The following ANKRD6 variants were observed in gnomAD, a reference collection of about 807,000 sequenced individuals.
ANKRD6 encodes the protein ankyrin repeat domain-containing protein 6.
In ANKRD6, 56 loss-of-function variants were observed where a neutral mutation model predicts 82.3. That is an observed-to-expected ratio of 0.68 (90% CI 0.55 to 0.85). The LOEUF (loss-of-function observed/expected upper bound fraction) is 0.85, where lower values mean the gene tolerates loss of function less well. Ranked by LOEUF, ANKRD6 falls within the 40% of genes least tolerant of loss-of-function variation. ANKRD6 has a pLI of 0.00. For synonymous variants in ANKRD6, 347 were observed against 352.1 expected, an observed-to-expected ratio of 0.99 and a Z score of 0.16; for missense variants, 852 against 907.6, an observed-to-expected ratio of 0.94 and a Z score of 0.79.
At chr6:89,434,578 C>T (rs1000964925) in intron 1 of ANKRD6, among the ~76,000 whole-genome samples, 1 of 152,118 alleles carries the variant, frequency 6.6e-6, no homozygotes, top group Non-Finnish European at 1.5e-5. Flanking sequence ...CCCACCTCAG[C>T]CTGGGACCAC....
intron 5 of ANKRD6, among the ~76,000 whole-genome samples, chr6:89,608,310 G>C (rs1799296235): frequency 6.8e-6 from 1 of 147,558 alleles, no homozygotes; most frequent in African/African-American, 2.5e-5. Flanking sequence ...GTTCTAGGTG[G>C]CAGTAGCCTG....
chr6:89,444,964 A>G (rs551355870), intron 1 of ANKRD6, among the ~76,000 whole-genome samples: 1 of 152,140 alleles, frequency 6.6e-6, no homozygotes, highest in African/African-American at 2.4e-5. Context: ...GCGAAACTCC[A>G]TGTCAAAAAA....
chr6:89,458,718 C>T (rs1178151948), intron 1 of ANKRD6, among the ~76,000 whole-genome samples: 1 of 152,164 alleles, frequency 6.6e-6, no homozygotes, highest in Non-Finnish European at 1.5e-5. Flanking sequence ...GTGGATCTGC[C>T]TCTTCCAGTC....
chr6:89,445,671 C>G (rs1056737787), intron 1 of ANKRD6, among the ~76,000 whole-genome samples: 8 of 152,144 alleles, frequency 5.3e-5, no homozygotes, highest in Non-Finnish European at 7.3e-5. Context: ...GTCTCGATCT[C>G]CTGACCTTGT....
chr6:89,475,123 T>C (rs796530001), intron 1 of ANKRD6, among the ~76,000 whole-genome samples: 1 of 152,212 alleles, frequency 6.6e-6, no homozygotes, highest in South Asian at 2.1e-4. Flanking sequence ...AGAGGCTCAA[T>C]ATATAATGAG....
chr6:89,519,058 T>C (rs562689599), intron 1 of ANKRD6, among the ~76,000 whole-genome samples: 1 of 152,316 alleles, frequency 6.6e-6, no homozygotes, highest in East Asian at 1.9e-4. Flanking sequence ...GCCTCACCTT[T>C]ATGACCTCAT....
At chr6:89,487,340 A>G (rs1211259915) in intron 1 of ANKRD6, among the ~76,000 whole-genome samples, 2 of 152,230 alleles carry the variant, frequency 1.3e-5, no homozygotes, top group East Asian at 1.9e-4. Flanking sequence ...CTGGCATTAG[A>G]TTCTTGCAAT....
At chr6:89,600,551 A>C (rs1796891830) in intron 3 of ANKRD6, among the ~76,000 whole-genome samples, 1 of 152,162 alleles carries the variant, frequency 6.6e-6, no homozygotes, top group African/African-American at 2.4e-5. Flanking sequence ...GCCTGTAAGA[A>C]GTGGAAATCT....
Position 89,612,325 on chromosome 6 carries a change from G to A in ANKRD6, c.471G>A (p.Thr157=), listed in dbSNP as rs377367109. Residue 157 remains threonine, a synonymous_variant, in exon 6 of 16, where the codon ACG becomes ACA. Coordinates refer to ENST00000339746, the MANE Select transcript of ANKRD6 (RefSeq NM_001242809.2). ...LACQNSHSQS[T]RVLLLAGSRA... is the part of the protein sequence containing the mutation. ...GCCAGAACAGCCACTCCCAGAGCACGCGCGTCCTCCTGCTGGCCGGGTCCC... is the reference window on the plus strand; with the variant it reads ...GCCAGAACAGCCACTCCCAGAGCACACGCGTCCTCCTGCTGGCCGGGTCCC... 1,135 of 1,566,304 alleles carry A rather than the reference G, an allele frequency of 7.2e-4. No homozygotes were observed. Among genetic ancestry groups the A allele is most frequent in the Non-Finnish European group, 9.3e-4 (1,069 of 1,154,834 alleles).
chr6:89,473,339 G>A (rs1003145339), intron 1 of ANKRD6, among the ~76,000 whole-genome samples: 5 of 151,396 alleles, frequency 3.3e-5, no homozygotes, highest in African/African-American at 9.7e-5. Flanking sequence ...TTAACCTGGC[G>A]GTGGAGTGAG....
chr6:89,479,831 AG>A (rs1284166880), intron 1 of ANKRD6, among the ~76,000 whole-genome samples: 1 of 152,088 alleles, frequency 6.6e-6, no homozygotes, highest in African/African-American at 2.4e-5. Context: ...AGTATGAAAA[AG>A]GTTTACTTAC....
At chr6:89,569,757 T>A (rs1214410098) in intron 2 of ANKRD6, among the ~76,000 whole-genome samples, 2 of 152,226 alleles carry the variant, frequency 1.3e-5, no homozygotes, top group Non-Finnish European at 2.9e-5. Flanking sequence ...AGTGCTTGCC[T>A]GTCTTTTTTT....
At chr6:89,630,322 G>A (rs1807092844) in intron 15 of ANKRD6, 111 bp from the exon 16 acceptor site, 1 of 1,294,398 alleles carries the variant, frequency 7.7e-7, no homozygotes, top group South Asian at 1.6e-5. Context: ...GGGTGGTGAT[G>A]GAGAAGGCTG....
chr6:89,500,237 C>T (rs1779114934), intron 1 of ANKRD6, among the ~76,000 whole-genome samples: 1 of 152,152 alleles, frequency 6.6e-6, no homozygotes, highest in African/African-American at 2.4e-5. Context: ...CCCAGCCCTG[C>T]CTCCCAGGAG....
chr6:89,459,594 G>A (rs962011955), intron 1 of ANKRD6, among the ~76,000 whole-genome samples: 4 of 152,152 alleles, frequency 2.6e-5, no homozygotes, highest in South Asian at 2.1e-4. Flanking sequence ...TTAACTCCTG[G>A]GCTCAAGTGA....
intron 9 of ANKRD6, chr6:89,621,678 A>G (rs1803370565): frequency 9.9e-6 from 5 of 507,414 alleles, no homozygotes; most frequent in Middle Eastern, 4.0e-4. Context: ...AGTTATTATC[A>G]TCATAGACTT....
intron 13 of ANKRD6, among the ~76,000 whole-genome samples, chr6:89,627,111 C>CTTT (rs58369165): frequency 4.8e-5 from 7 of 144,596 alleles, no homozygotes; most frequent in African/African-American, 1.3e-4. Context: ...GTCTCTCTCT[C>CTTT]TTTTTTTTTT....
chr6:89,439,066 A>G (rs1438710903), intron 1 of ANKRD6, among the ~76,000 whole-genome samples: 1 of 152,208 alleles, frequency 6.6e-6, no homozygotes, highest in Non-Finnish European at 1.5e-5. Context: ...GAAGACTTCT[A>G]TACAGGAAAC....
At chr6:89,448,326 C>G (rs1484046046) in intron 1 of ANKRD6, among the ~76,000 whole-genome samples, 1 of 151,128 alleles carries the variant, frequency 6.6e-6, no homozygotes, top group African/African-American at 2.4e-5. Context: ...TCCAGCTACT[C>G]AGGAGGCTGA....
Sources: allele counts gnomAD v4.1 joint callset (sites outside exome capture counted in the v4.1 genomes callset), GRCh38; gene constraint gnomAD v4.1.1; transcripts MANE v1.5; gene names NCBI Gene and HGNC (gene_info 2026-07-23, HGNC 2026-07-21).